The following RNF180 variants were observed in gnomAD, a reference collection of about 807,000 sequenced individuals.
The protein encoded by RNF180 is ring finger protein 180.
A neutral mutation model predicts 59.2 loss-of-function variants in RNF180; 38 were observed. The ratio of observed to expected loss-of-function variants is 0.64; its 90% CI spans 0.50 to 0.84. The LOEUF (loss-of-function observed/expected upper bound fraction) is 0.84, where lower values mean the gene tolerates loss of function less well. RNF180 is among the 40% of genes least tolerant of loss of function. RNF180 has a pLI of 0.00. For synonymous variants in RNF180, 262 were observed against 240.3 expected (o/e 1.09, Z -0.84); for missense variants, 705 against 700.9 (o/e 1.01, Z -0.07).
Position 64,321,685 on chromosome 5 carries a change from A to C in RNF180, c.1228-3501A>C, listed in dbSNP as rs181728286. 8.5e-4 allele frequency among the ~76,000 whole-genome samples: 129 copies of C among 152,308 alleles called. 1 individual carries two copies. The highest frequency in any genetic ancestry group is 3.0e-3 in the African/African-American group (124 of 41,560). On this transcript the variant is annotated intron_variant, in intron 5 of 7. Coordinates refer to ENST00000389100, the MANE Select transcript of RNF180 (RefSeq NM_001113561.2). Reference sequence around the variant, plus strand: ...ACTACTTTAAATTTCATAAGGAACCAAAAAAGGGCCCGTATAGCCAAGACA... The same window carrying C: ...ACTACTTTAAATTTCATAAGGAACCCAAAAAGGGCCCGTATAGCCAAGACA...
chr5:64,268,653 C>G (rs1744828054), intron 5 of RNF180, among the ~76,000 whole-genome samples: 1 of 152,140 alleles, frequency 6.6e-6, no homozygotes, highest in African/African-American at 2.4e-5. Context: ...TAAGAACCAT[C>G]TGATTAATTC....
intron 2 of RNF180, among the ~76,000 whole-genome samples, chr5:64,205,254 A>G (rs1436311645): frequency 1.3e-5 from 2 of 152,170 alleles, no homozygotes; most frequent in Admixed American, 6.5e-5. Context: ...ATTGTAAGGG[A>G]AACTGGGATA....
At chr5:64,169,026 T>C (rs1749798374) in intron 1 of RNF180, among the ~76,000 whole-genome samples, 1 of 152,190 alleles carries the variant, frequency 6.6e-6, no homozygotes, top group Non-Finnish European at 1.5e-5. Context: ...TACTTTTAAG[T>C]GTTAAAGCAG....
chr5:64,345,987 A>ATC (rs35590919), intron 7 of RNF180, among the ~76,000 whole-genome samples: 5 of 151,324 alleles, frequency 3.3e-5, no homozygotes, highest in African/African-American at 7.3e-5. Context: ...GCAATCATTG[A>ATC]TTTTTTTTTA....
At chr5:64,306,992 TA>T (rs1228598336) in intron 5 of RNF180, among the ~76,000 whole-genome samples, 2 of 147,398 alleles carry the variant, frequency 1.4e-5, no homozygotes, top group East Asian at 2.0e-4. Context: ...AAATAAAAAA[TA>T]AAAAAATAAA....
chr5:64,251,650 C>G (rs1743585361), intron 5 of RNF180, among the ~76,000 whole-genome samples: 1 of 152,164 alleles, frequency 6.6e-6, no homozygotes, highest in Non-Finnish European at 1.5e-5. Context: ...GGTCTGGCCT[C>G]AGGCAATCTT....
chr5:64,189,787 A>G (rs1262412593), intron 1 of RNF180, among the ~76,000 whole-genome samples: 1 of 152,226 alleles, frequency 6.6e-6, no homozygotes, highest in Non-Finnish European at 1.5e-5. Context: ...CAATCTTTCC[A>G]TCCATAATAC....
Position 64,324,137 on chromosome 5 carries a change from A to G in RNF180, c.1228-1049A>G, listed in dbSNP as rs150618748. 8.3e-3 allele frequency among the ~76,000 whole-genome samples: 1,271 copies of G among 152,344 alleles called. 24 individuals are homozygous for G. Among genetic ancestry groups the G allele is most frequent in the African/African-American group, 0.029 (1,199 of 41,570 alleles). On this transcript the variant is annotated intron_variant, in intron 5 of 7. Transcript: ENST00000389100. ...ATCACAAAAGCATCACCAAACTTCT[A>G]AAGACCAAAACACTTCTAATATTAA...
chr5:64,358,967 T>C (rs1208933421), intron 7 of RNF180, among the ~76,000 whole-genome samples: 2 of 151,726 alleles, frequency 1.3e-5, no homozygotes, highest in Non-Finnish European at 1.5e-5. Flanking sequence ...CATGAACTCA[T>C]CATTTTTTAT....
At chr5:64,321,635 G>A (rs1226468051) in intron 5 of RNF180, among the ~76,000 whole-genome samples, 1 of 151,996 alleles carries the variant, frequency 6.6e-6, no homozygotes, top group African/African-American at 2.4e-5. Context: ...AACTACTATG[G>A]ACATTTTTCA....
chr5:64,293,380 C>G (rs1742712664), intron 5 of RNF180, among the ~76,000 whole-genome samples: 1 of 152,192 alleles, frequency 6.6e-6, no homozygotes, highest in African/African-American at 2.4e-5. Flanking sequence ...TCATTCCTCT[C>G]TGTGAGAGCC....
chr5:64,249,217 C>T (rs1037650755), intron 5 of RNF180, among the ~76,000 whole-genome samples: 1 of 152,128 alleles, frequency 6.6e-6, no homozygotes, highest in Admixed American at 6.5e-5. Context: ...CAATCCTGCA[C>T]ATTCTGCACA....
At chr5:64,201,014 A>T in intron 2 of RNF180, 72 bp downstream of exon 2, 1 of 1,167,150 alleles carries the variant, frequency 8.6e-7, no homozygotes, top group Non-Finnish European at 1.2e-6. Flanking sequence ...ACACATGCAC[A>T]CTTATTCTTC....
chr5:64,251,828 A>G (rs1207043435), intron 5 of RNF180, among the ~76,000 whole-genome samples: 1 of 152,034 alleles, frequency 6.6e-6, no homozygotes, highest in East Asian at 1.9e-4. Flanking sequence ...ACCAGTAAAA[A>G]CAGCCCCATT....
chr5:64,335,181 G>A (rs868455323), intron 7 of RNF180, among the ~76,000 whole-genome samples: 7 of 151,926 alleles, frequency 4.6e-5, no homozygotes, highest in Non-Finnish European at 7.4e-5. Flanking sequence ...GCTTTTTTAC[G>A]ATTTTCTGTT....
At position 64,233,522 on chromosome 5, in the gene RNF180, G is replaced by A. The variant is rs181559314; in HGVS notation, c.1227+16126G>A. Among the ~76,000 whole-genome samples, 13 of 152,242 alleles carry A rather than the reference G, an allele frequency of 8.5e-5. No homozygotes were observed. The East Asian group carries it at 2.1e-3, about 25-fold the overall frequency. ...TGGCTTTTGCTTATGGACTATATAC[G>A]TACATTCTTTCCTAATTATCATGGG... On this transcript the variant is annotated intron_variant, in intron 5 of 7. Coordinates refer to ENST00000389100, the MANE Select transcript of RNF180 (RefSeq NM_001113561.2).
At chr5:64,215,523 T>G (rs1417960886) in intron 4 of RNF180, among the ~76,000 whole-genome samples, 1 of 152,152 alleles carries the variant, frequency 6.6e-6, no homozygotes, top group Non-Finnish European at 1.5e-5. Context: ...TTTTATTATA[T>G]TTTTGGTTGC....
At chr5:64,352,175 C>CTAGTT (rs993489270) in intron 7 of RNF180, among the ~76,000 whole-genome samples, 6 of 152,030 alleles carry the variant, frequency 3.9e-5, no homozygotes, top group African/African-American at 1.4e-4. Context: ...TCTAGATTTT[C>CTAGTT]TAGTTTATTT....
chr5:64,369,649 G>A lies in RNF180; in HGVS notation c.1614G>A (p.Arg538=), dbSNP rs1413846198. 1 of 1,527,724 alleles carries A rather than the reference G, an allele frequency of 6.5e-7. No individual in the cohort carries two copies. Among genetic ancestry groups the A allele is most frequent in the Non-Finnish European group, 8.8e-7 (1 of 1,139,268 alleles). 94.6% of individuals were successfully genotyped at this position (1,527,724 alleles called of 1,614,324 possible). ...FRRHAAPVTR[R]QFPHGAHRMD... The stretch of plus-strand genomic sequence containing the variant: ...GACATGCAGCTCCAGTTACAAGAAG[G>A]CAGTTCCCACACGGTGCACACAGGA... Residue 538 remains arginine, a synonymous_variant, in exon 8 of 8, where the codon AGG becomes AGA. Coordinates refer to ENST00000389100, the MANE Select transcript of RNF180 (RefSeq NM_001113561.2).
Sources: allele counts gnomAD v4.1 joint callset (sites outside exome capture counted in the v4.1 genomes callset), GRCh38; gene constraint gnomAD v4.1.1; transcripts MANE v1.5; gene names NCBI Gene and HGNC (gene_info 2026-07-23, HGNC 2026-07-21).